SOCS2: variants seen among roughly 807,000 people sequenced by gnomAD.
The protein encoded by SOCS2 is suppressor of cytokine signaling 2.
Under a neutral mutation model 18.6 loss-of-function variants are expected in SOCS2, and 10 were observed. That is an observed-to-expected ratio of 0.54 (90% CI 0.33 to 0.91). SOCS2 has a LOEUF of 0.91. SOCS2 is among the 40% of genes least tolerant of loss of function. The pLI is 0.02. For synonymous variants in SOCS2, 104 were observed against 104.0 expected, an observed-to-expected ratio of 1.00 and a Z score of 0.00; for missense variants, 231 against 247.2, an observed-to-expected ratio of 0.93 and a Z score of 0.44.
chr12:93,581,423 T>G (rs1014037235), downstream of SOCS2, among the ~76,000 whole-genome samples: 1 of 152,190 alleles, frequency 6.6e-6, no homozygotes, highest in African/African-American at 2.4e-5. Flanking sequence ...GATTTTTTTT[T>G]TTTTTAATGT....
rs1355537049 is a variant in SOCS2 at position 93,575,511 on chromosome 12, T to C, written c.*332T>C. On this transcript the variant is annotated 3_prime_UTR_variant, in exon 2 of 2. Transcript: ENST00000551556. ...AGGTTCTTTTCCATTATGTCAAAGGTCCAGGCTCCAGTAGGAGAGAAAGAA... is the reference window on the plus strand; with the variant it reads ...AGGTTCTTTTCCATTATGTCAAAGGCCCAGGCTCCAGTAGGAGAGAAAGAA... 6.1e-6 allele frequency: 1 copy of C among 163,536 alleles called. No homozygotes were observed. The highest frequency in any genetic ancestry group is 2.4e-5 in the African/African-American group (1 of 41,604). The allele number at this position is 163,536 out of a possible 1,614,324, so 10.1% of individuals were successfully genotyped here.
At chr12:93,612,322 T>C in the SOCS2 span, among the ~76,000 whole-genome samples, 1 of 152,144 alleles carries the variant, frequency 6.6e-6, no homozygotes, top group Admixed American at 6.5e-5. Flanking sequence ...CATGGTATCA[T>C]GCACCTGTCC....
At chr12:93,573,828 C>G (rs947068415) in intron 1 of SOCS2, 1 of 151,668 alleles carries the variant, frequency 6.6e-6, no homozygotes, top group African/African-American at 2.4e-5. Flanking sequence ...CGGGGAGGCA[C>G]CGGCAGATTG....
the SOCS2 span, among the ~76,000 whole-genome samples, chr12:93,605,756 C>A: frequency 3.9e-5 from 6 of 152,170 alleles, no homozygotes; most frequent in African/African-American, 1.4e-4. Flanking sequence ...AAATGTACTT[C>A]AAATTGTGTC....
downstream of SOCS2, among the ~76,000 whole-genome samples, chr12:93,581,401 A>G (rs1954537367): frequency 6.6e-6 from 1 of 152,014 alleles, no homozygotes; most frequent in African/African-American, 2.4e-5. Context: ...AGGAGTGAAC[A>G]ATTCAAGGAA....
downstream of SOCS2, among the ~76,000 whole-genome samples, chr12:93,584,389 A>G (rs1954571124): frequency 6.6e-6 from 1 of 152,202 alleles, no homozygotes; most frequent in African/African-American, 2.4e-5. Flanking sequence ...GGTCTAGTGC[A>G]AGACCTTAGT....
chr12:93,606,868 G>T, the SOCS2 span, among the ~76,000 whole-genome samples: 2 of 152,086 alleles, frequency 1.3e-5, no homozygotes, highest in Non-Finnish European at 2.9e-5. Flanking sequence ...GGTCAGGCTG[G>T]TCTTGAACTC....
At chr12:93,601,463 C>G in the SOCS2 span, among the ~76,000 whole-genome samples, 1 of 151,834 alleles carries the variant, frequency 6.6e-6, no homozygotes, top group Non-Finnish European at 1.5e-5. Context: ...TGGGTTTCAT[C>G]ATGTTGGCCA....
At chr12:93,588,099 C>T (rs1045307709), downstream of SOCS2, among the ~76,000 whole-genome samples, 25 of 152,258 alleles carry the variant, frequency 1.6e-4, no homozygotes, top group Non-Finnish European at 3.2e-4. Flanking sequence ...TGGAAAAAAG[C>T]GTTATACTGT....
At position 93,576,311 on chromosome 12, in the gene SOCS2, A is replaced by G. The variant is rs2136705148; in HGVS notation, c.*1132A>G. 1 of 152,730 alleles carries G rather than the reference A, an allele frequency of 6.5e-6. No homozygotes were observed. Among genetic ancestry groups the G allele is most frequent in the Middle Eastern group, 3.4e-3 (1 of 294 alleles). 9.5% of individuals were successfully genotyped at this position (152,730 alleles called of 1,614,324 possible). A position where few individuals can be genotyped will look rare whatever the true frequency, so the allele number is the denominator to read the frequency against. On this transcript the variant is annotated 3_prime_UTR_variant, in exon 2 of 2. Transcript: ENST00000551556. ...AAGCCAATTATTCAACAAAAGGTAG[A>G]ACATTACTTGCCATTCTGTAAAGTT...
chr12:93,600,980 A>G, the SOCS2 span, among the ~76,000 whole-genome samples: 1 of 151,486 alleles, frequency 6.6e-6, no homozygotes, highest in Non-Finnish European at 1.5e-5. Context: ...TTGTAGAGAC[A>G]GGGTTTTGCT....
At chr12:93,573,369 C>T (rs531049647) in intron 1 of SOCS2, 21 of 497,576 alleles carry the variant, frequency 4.2e-5, no homozygotes, top group South Asian at 3.6e-4. Flanking sequence ...TCGGGCGCCT[C>T]CCTTTGCACG....
chr12:93,589,797 C>T, the SOCS2 span, among the ~76,000 whole-genome samples: 2 of 152,188 alleles, frequency 1.3e-5, no homozygotes, highest in African/African-American at 2.4e-5. Flanking sequence ...CACATGTAGA[C>T]GTTTCCAAGT....
At chr12:93,612,005 A>T in the SOCS2 span, among the ~76,000 whole-genome samples, 1 of 152,096 alleles carries the variant, frequency 6.6e-6, no homozygotes, top group Non-Finnish European at 1.5e-5. Flanking sequence ...TTGAATTCTC[A>T]GTCAGGCCTT....
At chr12:93,610,679 C>T in the SOCS2 span, among the ~76,000 whole-genome samples, 1 of 152,048 alleles carries the variant, frequency 6.6e-6, no homozygotes, top group Non-Finnish European at 1.5e-5. Context: ...CCGTTTTTGC[C>T]CTGCCATCTC....
Position 93,572,932 on chromosome 12 carries a change from G to T in SOCS2, c.35G>T (p.Gly12Val). The change falls in exon 1 of 2, where the codon GGC becomes GTC. Residue 12 changes from glycine (G) to valine (V), a missense_variant. Gly to Val is a moderately radical substitution (Grantham distance 109, BLOSUM62 -3). Around this residue, in one of 3 missense-constraint regions of SOCS2, gnomAD observed 106 missense variants for 103.8 expected, o/e 1.02. Coordinates refer to ENST00000551556, the MANE Select transcript of SOCS2 (RefSeq NM_001270471.2). The surrounding 1 kb of genome is among the most constrained non-coding windows in gnomAD (Gnocchi z 5.0). ...TLRCLEPSGN[G>V]GEGTRSQWGT... ...CGGTGCCTTGAGCCCTCCGGGAATG[G>T]CGGGGAAGGGACGCGGAGCCAGTGG... 6.4e-7 allele frequency: 1 copy of T among 1,572,770 alleles called. No individual in the cohort carries two copies. Among genetic ancestry groups the T allele is most frequent in the Admixed American group, 1.8e-5 (1 of 54,916 alleles).
At chr12:93,581,823 G>T (rs1412286799) in intron 1 of SOCS2, among the ~76,000 whole-genome samples, 2 of 152,104 alleles carry the variant, frequency 1.3e-5, no homozygotes, top group African/African-American at 4.8e-5. Flanking sequence ...GAGAGGATGG[G>T]GACTAACATT....
the SOCS2 span, among the ~76,000 whole-genome samples, chr12:93,601,108 C>CAT: frequency 7.1e-6 from 1 of 140,662 alleles, no homozygotes; most frequent in South Asian, 2.2e-4. Context: ...CTCTCTCTCT[C>CAT]TTTTTTTTTT....
At chr12:93,622,001 TACA>T in the SOCS2 span, among the ~76,000 whole-genome samples, 2 of 152,212 alleles carry the variant, frequency 1.3e-5, no homozygotes, top group Non-Finnish European at 2.9e-5. Context: ...ATTTAGTTCT[TACA>T]ACAACTCTTA....
Sources: gnomAD v4.1 joint callset for allele counts (sites outside exome capture counted in the v4.1 genomes callset) on GRCh38, gnomAD v4.1.1 for gene constraint, gnomAD v4.1.1 regional missense constraint, Gnocchi (gnomAD v3.1) non-coding constraint, MANE v1.5 for transcripts, NCBI Gene and HGNC (gene_info 2026-07-23, HGNC 2026-07-21) for gene names.